The following AGBL4 variants were observed in gnomAD, a reference collection of about 807,000 sequenced individuals.
The protein encoded by AGBL4 is cytosolic carboxypeptidase 6.
In AGBL4, 58 loss-of-function variants were observed where a neutral mutation model predicts 66.4. That is an observed-to-expected ratio of 0.87 (90% CI 0.71 to 1.09). The LOEUF (loss-of-function observed/expected upper bound fraction) is 1.09, where lower values mean the gene tolerates loss of function less well. Ranked by LOEUF, AGBL4 falls within the 50% of genes least tolerant of loss-of-function variation. The pLI is 0.00. For synonymous variants in AGBL4, 234 were observed against 222.9 expected (o/e 1.05, Z -0.44); for missense variants, 579 against 631.0 (o/e 0.92, Z 0.88).
chr1:49,382,027 G>T (rs1041944925), intron 3 of AGBL4, among the ~76,000 whole-genome samples: 1 of 151,786 alleles, frequency 6.6e-6, no homozygotes, highest in Non-Finnish European at 1.5e-5. Flanking sequence ...AAAAAATACA[G>T]TTCCTGTAGC....
intron 1 of AGBL4, among the ~76,000 whole-genome samples, chr1:49,866,965 C>G (rs909179467): frequency 1.9e-4 from 29 of 152,058 alleles, no homozygotes; most frequent in African/African-American, 7.0e-4. Context: ...ACATTTTAAT[C>G]TCGTCCTTTC....
At chr1:49,300,130 A>G (rs893464811) in intron 3 of AGBL4, among the ~76,000 whole-genome samples, 5 of 152,134 alleles carry the variant, frequency 3.3e-5, no homozygotes, top group African/African-American at 1.2e-4. Context: ...ATGAAGGCAA[A>G]TGTTATTCTA....
chr1:48,934,565 C>T (rs940742417), intron 5 of AGBL4, among the ~76,000 whole-genome samples: 3 of 152,070 alleles, frequency 2.0e-5, no homozygotes, highest in Non-Finnish European at 4.4e-5. Context: ...CCAGTCATCT[C>T]AAACTCAAAG....
chr1:49,045,841 T>C, intron 4 of AGBL4, 41 bp from the exon 5 acceptor site: 2 of 1,482,332 alleles, frequency 1.3e-6, no homozygotes, highest in Non-Finnish European at 1.8e-6. Context: ...TATGAGACAT[T>C]CGTTCAAGCT....
chr1:49,328,962 C>T (rs966004751), intron 3 of AGBL4, among the ~76,000 whole-genome samples: 3 of 152,138 alleles, frequency 2.0e-5, no homozygotes, highest in African/African-American at 7.2e-5. Context: ...TTCTGTACTA[C>T]TAATCTGAAT....
chr1:49,221,351 G>T (rs991838736), intron 4 of AGBL4, among the ~76,000 whole-genome samples: 1 of 152,092 alleles, frequency 6.6e-6, no homozygotes, highest in Non-Finnish European at 1.5e-5. Flanking sequence ...CAGAGGCACT[G>T]AAGTCCTCAC....
chr1:49,947,137 C>A (rs1655283950), intron 1 of AGBL4, among the ~76,000 whole-genome samples: 1 of 151,942 alleles, frequency 6.6e-6, no homozygotes, highest in East Asian at 1.9e-4. Context: ...TGGTACCAAT[C>A]CTATTGACAC....
chr1:49,580,978 A>G (rs910083561), intron 3 of AGBL4, among the ~76,000 whole-genome samples: 1 of 152,110 alleles, frequency 6.6e-6, no homozygotes, highest in Non-Finnish European at 1.5e-5. Context: ...ATTCTTCCCT[A>G]TCCAGAATAC....
intron 4 of AGBL4, among the ~76,000 whole-genome samples, chr1:49,236,207 T>G (rs72684835): frequency 7.2e-5 from 11 of 152,050 alleles, no homozygotes; most frequent in East Asian, 1.9e-4. Flanking sequence ...TTTTTTTTTG[T>G]ATTAGAAGCA....
intron 11 of AGBL4, among the ~76,000 whole-genome samples, chr1:48,579,707 G>C (rs547402110): frequency 6.7e-6 from 1 of 148,162 alleles, no homozygotes; most frequent in South Asian, 2.2e-4. Context: ...TCAGGAGATC[G>C]AGACCATCCT....
intron 3 of AGBL4, among the ~76,000 whole-genome samples, chr1:49,610,548 A>G (rs1338848211): frequency 1.3e-5 from 2 of 152,192 alleles, no homozygotes; most frequent in Non-Finnish European, 2.9e-5. Flanking sequence ...ATGTGATGGT[A>G]TTAAGAGATG....
At chr1:49,235,048 A>G (rs1650611574) in intron 4 of AGBL4, among the ~76,000 whole-genome samples, 1 of 152,220 alleles carries the variant, frequency 6.6e-6, no homozygotes, top group African/African-American at 2.4e-5. Context: ...CATATTATGG[A>G]AAAACATTAG....
intron 3 of AGBL4, among the ~76,000 whole-genome samples, chr1:49,648,186 A>G (rs535841650): frequency 3.6e-4 from 55 of 152,256 alleles, no homozygotes; most frequent in African/African-American, 1.3e-3. Flanking sequence ...CAACAAAGAA[A>G]TTCTAGGGAT....
chr1:48,739,765 C>T (rs1419464964), intron 6 of AGBL4, among the ~76,000 whole-genome samples: 3 of 152,244 alleles, frequency 2.0e-5, no homozygotes, highest in Non-Finnish European at 4.4e-5. Flanking sequence ...TTCCCCTCCC[C>T]ATGTTTCCGC....
intron 3 of AGBL4, chr1:49,469,826 A>C (rs1646705675): frequency 2.0e-5 from 3 of 151,906 alleles, no homozygotes; most frequent in Admixed American, 6.6e-5. Flanking sequence ...TTACTAAATA[A>C]GTATTTTGCA....
intron 1 of AGBL4, among the ~76,000 whole-genome samples, chr1:49,897,829 A>G (rs189406534): frequency 1.6e-4 from 25 of 152,244 alleles, no homozygotes; most frequent in Admixed American, 7.2e-4. Flanking sequence ...ATCTACAAGG[A>G]ACTCACTTTC....
intron 2 of AGBL4, among the ~76,000 whole-genome samples, chr1:49,837,705 T>C (rs1313618652): frequency 1.3e-5 from 2 of 152,044 alleles, no homozygotes; most frequent in Non-Finnish European, 2.9e-5. Flanking sequence ...ATTAGCCAAG[T>C]GTGGTGGCAG....
At chr1:49,499,004 T>A (rs1252981571) in intron 3 of AGBL4, among the ~76,000 whole-genome samples, 1 of 152,102 alleles carries the variant, frequency 6.6e-6, no homozygotes, top group Non-Finnish European at 1.5e-5. Flanking sequence ...ATCGAGGATA[T>A]TGGCCTCTAA....
chr1:48,651,118 A>G (rs1557854600), intron 8 of AGBL4, among the ~76,000 whole-genome samples: 1 of 152,156 alleles, frequency 6.6e-6, no homozygotes, highest in Non-Finnish European at 1.5e-5. Flanking sequence ...TTTGTTGTAC[A>G]GTTTTAGCAA....
Sources: gnomAD v4.1 joint callset for allele counts (sites outside exome capture counted in the v4.1 genomes callset) on GRCh38, gnomAD v4.1.1 for gene constraint, MANE v1.5 for transcripts, NCBI Gene and HGNC (gene_info 2026-07-23, HGNC 2026-07-21) for gene names.